The following MDFIC variants were observed in gnomAD, a reference collection of about 807,000 sequenced individuals.
MDFIC encodes myoD family inhibitor domain-containing protein.
In MDFIC, 17 loss-of-function variants were observed where a neutral mutation model predicts 23.2. The ratio of observed to expected loss-of-function variants is 0.73; its 90% confidence interval spans 0.50 to 1.10. MDFIC has a LOEUF of 1.10. MDFIC is among the 50% of genes least tolerant of loss of function. MDFIC has a pLI of 0.00. For missense variants in MDFIC, 356 were observed against 316.6 expected (o/e 1.12, Z -0.95); for synonymous variants, 120 against 115.2 (o/e 1.04, Z -0.27).
intron 3 of MDFIC, among the ~76,000 whole-genome samples, chr7:114,956,262 G>A (rs886470153): frequency 8.6e-5 from 13 of 151,996 alleles, no homozygotes; most frequent in African/African-American, 2.9e-4. Context: ...AAAAATTGCA[G>A]TATACTATAC....
intron 4 of MDFIC, chr7:115,014,332 A>G: frequency 8.0e-7 from 1 of 1,252,472 alleles, no homozygotes; most frequent in Non-Finnish European, 1.0e-6. Flanking sequence ...AGGAAGTTAT[A>G]GTAGAGGGAT....
At chr7:114,952,531 A>T (rs917909632) in intron 3 of MDFIC, among the ~76,000 whole-genome samples, 1 of 152,138 alleles carries the variant, frequency 6.6e-6, no homozygotes, top group African/African-American at 2.4e-5. Context: ...GATACACAAA[A>T]ATCAAAGGAA....
intron 2 of MDFIC, among the ~76,000 whole-genome samples, chr7:114,935,305 T>C (rs1792402164): frequency 6.6e-6 from 1 of 152,062 alleles, no homozygotes; most frequent in African/African-American, 2.4e-5. Flanking sequence ...TGTCATAGAT[T>C]ATTATCAAAT....
chr7:114,960,580 A>C (rs1253808056), intron 3 of MDFIC, among the ~76,000 whole-genome samples: 1 of 152,186 alleles, frequency 6.6e-6, no homozygotes, highest in African/African-American at 2.4e-5. Flanking sequence ...ATTAATTTTC[A>C]CTTTTAAATA....
chr7:114,990,483 A>C (rs1793587162), intron 4 of MDFIC, among the ~76,000 whole-genome samples: 1 of 152,134 alleles, frequency 6.6e-6, no homozygotes, highest in East Asian at 1.9e-4. Context: ...TATATCTCCT[A>C]ATGCTATCCC....
intron 2 of MDFIC, among the ~76,000 whole-genome samples, chr7:114,936,079 T>C (rs1792418606): frequency 6.6e-6 from 1 of 152,154 alleles, no homozygotes; most frequent in South Asian, 2.1e-4. Flanking sequence ...ACTGTTGTTA[T>C]TCCCATTTAA....
At chr7:115,005,537 CAG>C (rs1791552803) in intron 4 of MDFIC, among the ~76,000 whole-genome samples, 1 of 152,152 alleles carries the variant, frequency 6.6e-6, no homozygotes, top group African/African-American at 2.4e-5. Flanking sequence ...AGACGAAACA[CAG>C]GGAATTGGGA....
Position 115,019,490 on chromosome 7 carries a change from C to T in MDFIC, c.*3555C>T, listed in dbSNP as rs1199142443. ...ATGTTATAAACGTCAAACATCACTG[C>T]CCAACATAAATAAGACTCGAGACTT... On this transcript the variant is annotated 3_prime_UTR_variant, in exon 5 of 5. Transcript: ENST00000393486. Among the ~76,000 whole-genome samples the T allele has an allele frequency of 1.3e-5, 2 of 151,998 alleles. No homozygotes were observed. Among genetic ancestry groups the T allele is most frequent in the African/African-American group, 2.4e-5 (1 of 41,396 alleles).
intron 3 of MDFIC, among the ~76,000 whole-genome samples, chr7:114,946,714 C>A (rs1394292262): frequency 6.6e-6 from 1 of 152,116 alleles, no homozygotes; most frequent in African/African-American, 2.4e-5. Flanking sequence ...CAGTAGAACG[C>A]AAGCTCTTCT....
At chr7:114,968,241 A>G (rs1285844417) in intron 3 of MDFIC, among the ~76,000 whole-genome samples, 1 of 152,242 alleles carries the variant, frequency 6.6e-6, no homozygotes, top group Non-Finnish European at 1.5e-5. Flanking sequence ...TTTGATGAAG[A>G]CAAAATCTAA....
chr7:115,019,310 A>G lies in MDFIC; in HGVS notation c.*3375A>G. On this transcript the variant is annotated 3_prime_UTR_variant, in exon 5 of 5. Transcript: ENST00000393486. ...TAGGAGAAGGCTTTTTATTTAGAAA[A>G]TTATTTTTTCATTTTTACAGTGTAT... 6.6e-6 allele frequency: 1 copy of G among 152,018 alleles called. No homozygotes were observed. Among genetic ancestry groups the G allele is most frequent in the Non-Finnish European group, 1.5e-5 (1 of 67,926 alleles). 9.4% of individuals were successfully genotyped at this position (152,018 alleles called of 1,614,324 possible).
chr7:114,979,746 C>CT lies in MDFIC; in HGVS notation c.459dup (p.Val154CysfsTer11). The CT allele has an allele frequency of 1.2e-6, 2 of 1,613,976 alleles. No individual in the cohort carries two copies. Among genetic ancestry groups the CT allele is most frequent in the Non-Finnish European group, 1.7e-6 (2 of 1,179,876 alleles). On this transcript the variant is annotated frameshift_variant, in exon 4 of 5. Coordinates refer to ENST00000393486, the MANE Select transcript of MDFIC (RefSeq NM_001166345.3). LOFTEE classifies it high-confidence loss of function. ...ATCAGTAAGAAGAGCAAAGTAAATG[C>CT]TGTCTTTTCCCAAAAGACAGGCTCT...
chr7:115,016,146 T>C lies in MDFIC; in HGVS notation c.*211T>C. 1 of 516,248 alleles carries C rather than the reference T, an allele frequency of 1.9e-6. No individual in the cohort carries two copies. 32.0% of individuals were successfully genotyped at this position (516,248 alleles called of 1,614,324 possible). On this transcript the variant is annotated 3_prime_UTR_variant, in exon 5 of 5. Coordinates refer to ENST00000393486, the MANE Select transcript of MDFIC (RefSeq NM_001166345.3). Reference sequence around the variant, plus strand: ...TAACTACTTTAACTAGTTTTATAAATTTCTTAATATGTTACAATAACTTAG... The same window carrying C: ...TAACTACTTTAACTAGTTTTATAAACTTCTTAATATGTTACAATAACTTAG...
At chr7:114,989,974 T>C (rs1431469132) in intron 4 of MDFIC, among the ~76,000 whole-genome samples, 2 of 152,118 alleles carry the variant, frequency 1.3e-5, no homozygotes, top group African/African-American at 2.4e-5. Flanking sequence ...AATTTAATCA[T>C]AGCTTTTACA....
intron 3 of MDFIC, among the ~76,000 whole-genome samples, chr7:114,952,172 C>A (rs1321176801): frequency 6.6e-6 from 1 of 152,142 alleles, no homozygotes; most frequent in Non-Finnish European, 1.5e-5. Flanking sequence ...TGGGCTTGGG[C>A]AAATCAGTTG....
In MDFIC at chr7:115,019,532, A is replaced by G. The variant is rs979121478; in HGVS notation, c.*3597A>G. Among the ~76,000 whole-genome samples the G allele has an allele frequency of 2.6e-5, 4 of 152,118 alleles. No individual in the cohort carries two copies. Among genetic ancestry groups the G allele is most frequent in the African/African-American group, 9.7e-5 (4 of 41,444 alleles). On this transcript the variant is annotated 3_prime_UTR_variant, in exon 5 of 5. Transcript: ENST00000393486. ...TCGAGACTTATTAACATAAATAAGTATCTTGCCTTCTTGAATGCTAGTTAA... is the reference window on the plus strand; with the variant it reads ...TCGAGACTTATTAACATAAATAAGTGTCTTGCCTTCTTGAATGCTAGTTAA...
intron 4 of MDFIC, among the ~76,000 whole-genome samples, chr7:115,015,250 T>C (rs1562831661): frequency 6.6e-6 from 1 of 152,252 alleles, no homozygotes; most frequent in East Asian, 1.9e-4. Context: ...TTTGTTCTTT[T>C]CCAATTTTAG....
chr7:115,000,883 T>G (rs988335633), intron 4 of MDFIC, among the ~76,000 whole-genome samples: 1 of 152,174 alleles, frequency 6.6e-6, no homozygotes, highest in African/African-American at 2.4e-5. Flanking sequence ...ACAGAGGAAG[T>G]GCTTCGAAGT....
At chr7:114,998,205 A>G (rs1791382941) in intron 4 of MDFIC, among the ~76,000 whole-genome samples, 1 of 152,204 alleles carries the variant, frequency 6.6e-6, no homozygotes, top group South Asian at 2.1e-4. Flanking sequence ...CTGATGACTC[A>G]TGAGTGTCTT....
Sources: allele counts gnomAD v4.1 joint callset (sites outside exome capture counted in the v4.1 genomes callset), GRCh38; gene constraint gnomAD v4.1.1; transcripts MANE v1.5; gene names NCBI Gene and HGNC (gene_info 2026-07-23, HGNC 2026-07-21).